Variants in NUAK1 observed in about 807,000 individuals in gnomAD.
The protein encoded by NUAK1 is NUAK family SNF1-like kinase 1.
In NUAK1, 26 loss-of-function variants were observed where a neutral mutation model predicts 56.9. The observed-to-expected ratio is 0.46, with a 90% confidence interval of 0.33 to 0.63. NUAK1 has a LOEUF of 0.63. Ranked by LOEUF, NUAK1 falls within the 30% of genes least tolerant of loss-of-function variation. The probability of loss-of-function intolerance (pLI) is 0.02; values close to 1 mark genes in which losing one functional copy is unlikely to be tolerated. For missense variants in NUAK1, 727 were observed against 876.1 expected (o/e 0.83, Z 2.15); for synonymous variants, 337 against 336.0 (o/e 1.00, Z -0.03).
rs557614461 is a variant in NUAK1 at position 106,063,576 on chromosome 12, C to A, written c.*3226G>T. 6.6e-6 allele frequency: 1 copy of A among 152,288 alleles called. No individual in the cohort carries two copies. Among genetic ancestry groups the A allele is most frequent in the African/African-American group, 2.4e-5 (1 of 41,330 alleles). The allele number at this position is 152,288 out of a possible 1,614,324, so 9.4% of individuals were successfully genotyped here. On this transcript the variant is annotated 3_prime_UTR_variant, in exon 7 of 7. Transcript: ENST00000261402. ...TTACACCAATATATTATTATAATACCTTTGAAATGCCTTTCAGACCAATAA... is the reference window on the plus strand; with the variant it reads ...TTACACCAATATATTATTATAATACATTTGAAATGCCTTTCAGACCAATAA...
In NUAK1 at chr12:106,138,398, G is replaced by C. The variant is rs748424204; in HGVS notation, c.240+16C>G. On this transcript the variant is annotated intron_variant, in intron 1 of 6. Coordinates refer to ENST00000261402, the MANE Select transcript of NUAK1 (RefSeq NM_014840.3). The surrounding 1 kb of genome is among the most constrained non-coding windows in gnomAD (Gnocchi z 5.0). ...CACCCAGCGCCCCCCGCACCCTCCA[G>C]GATTGCCCCACTCACCACTCGGCCA... 1.3e-6 allele frequency: 2 copies of C among 1,598,566 alleles called. No homozygotes were observed. Among genetic ancestry groups the C allele is most frequent in the Non-Finnish European group, 1.7e-6 (2 of 1,174,302 alleles).
At chr12:106,129,899 C>A (rs2033059280) in intron 1 of NUAK1, among the ~76,000 whole-genome samples, 1 of 152,296 alleles carries the variant, frequency 6.6e-6, no homozygotes, top group Non-Finnish European at 1.5e-5. Context: ...GACCATCTAG[C>A]TCCTGGGTAG....
intron 1 of NUAK1, among the ~76,000 whole-genome samples, chr12:106,137,029 G>A (rs1183451889): frequency 6.6e-6 from 1 of 151,686 alleles, no homozygotes; most frequent in Non-Finnish European, 1.5e-5. Context: ...AGAAATGTAC[G>A]CCATCTCAAA....
intron 1 of NUAK1, among the ~76,000 whole-genome samples, chr12:106,122,269 C>T (rs999072879): frequency 6.6e-6 from 1 of 152,142 alleles, no homozygotes; most frequent in African/African-American, 2.4e-5. Context: ...TAAAAAGGCA[C>T]ACTGGGCATT....
intron 2 of NUAK1, among the ~76,000 whole-genome samples, chr12:106,100,958 G>A (rs945411182): frequency 6.6e-6 from 1 of 152,336 alleles, no homozygotes; most frequent in East Asian, 1.9e-4. Context: ...CCACTTTGGT[G>A]CCTTAGCATC....
At chr12:106,111,001 T>G (rs573614911) in intron 1 of NUAK1, among the ~76,000 whole-genome samples, 30 of 152,218 alleles carry the variant, frequency 2.0e-4, no homozygotes, top group African/African-American at 7.2e-4. Flanking sequence ...CTGTGGGTGT[T>G]CAGAGCTTGG....
In NUAK1 at chr12:106,125,798, A is replaced by G. The variant is rs373699704; in HGVS notation, c.240+12616T>C. On this transcript the variant is annotated intron_variant, in intron 1 of 6. Transcript: ENST00000261402. The stretch of plus-strand genomic sequence containing the variant: ...AAACAGATACCCACTAACCATGAGG[A>G]TGATGAAAAATGAGGTTCTTCCCAG... 4.6e-5 allele frequency among the ~76,000 whole-genome samples: 7 copies of G among 152,240 alleles called. No homozygotes were observed. The East Asian group carries it at 7.7e-4, about 17-fold the overall frequency.
At chr12:106,068,917 C>G (rs1421559639) in intron 6 of NUAK1, among the ~76,000 whole-genome samples, 1 of 152,232 alleles carries the variant, frequency 6.6e-6, no homozygotes, top group Non-Finnish European at 1.5e-5. Context: ...CCAAGATGAT[C>G]ATCCTCAGTC....
chr12:106,073,678 C>A (rs2032430549), intron 4 of NUAK1, among the ~76,000 whole-genome samples: 1 of 152,006 alleles, frequency 6.6e-6, no homozygotes, highest in African/African-American at 2.4e-5. Flanking sequence ...ATTAGCCGGG[C>A]GTGGTGGTGC....
At chr12:106,135,306 C>A (rs1027850117) in intron 1 of NUAK1, among the ~76,000 whole-genome samples, 3 of 152,226 alleles carry the variant, frequency 2.0e-5, no homozygotes, top group East Asian at 1.9e-4. Context: ...CCTGGTCTCA[C>A]GGACATGCTT....
At chr12:106,089,968 T>C in intron 2 of NUAK1, among the ~76,000 whole-genome samples, 1 of 152,074 alleles carries the variant, frequency 6.6e-6, no homozygotes, top group Non-Finnish European at 1.5e-5. Context: ...CAAGCTATCT[T>C]GAAGAAGAAA....
chr12:106,089,042 C>T (rs1230330717), intron 2 of NUAK1, among the ~76,000 whole-genome samples: 4 of 152,226 alleles, frequency 2.6e-5, no homozygotes, highest in Non-Finnish European at 4.4e-5. Context: ...TTGGCTCCTG[C>T]CAGGGATTTC....
intron 3 of NUAK1, among the ~76,000 whole-genome samples, chr12:106,085,773 C>A (rs1340032690): frequency 6.6e-6 from 1 of 152,174 alleles, no homozygotes; most frequent in Non-Finnish European, 1.5e-5. Context: ...GTGGCACCAT[C>A]ATAGCTCACT....
chr12:106,082,204 A>G, intron 4 of NUAK1, among the ~76,000 whole-genome samples: 1 of 152,248 alleles, frequency 6.6e-6, no homozygotes, highest in East Asian at 1.9e-4. Context: ...AAAAATGAAC[A>G]AATAAACAAT....
chr12:106,128,943 T>A (rs1376202937), intron 1 of NUAK1, among the ~76,000 whole-genome samples: 1 of 152,258 alleles, frequency 6.6e-6, no homozygotes, highest in Admixed American at 6.5e-5. Context: ...CTTAAAGTAC[T>A]TGATTTACAA....
chr12:106,084,624 G>C (rs1167870091), intron 3 of NUAK1, among the ~76,000 whole-genome samples: 3 of 152,224 alleles, frequency 2.0e-5, no homozygotes, highest in Non-Finnish European at 4.4e-5. Context: ...CTCTGGCAAG[G>C]CTGGAGGCTG....
chr12:106,083,142 C>T (rs1384457660), intron 4 of NUAK1, among the ~76,000 whole-genome samples: 1 of 152,196 alleles, frequency 6.6e-6, no homozygotes, highest in Non-Finnish European at 1.5e-5. Flanking sequence ...TAAACTCCAG[C>T]ACTTGCTATT....
rs55900706 is a variant in NUAK1, at chr12:106,124,996, CAATA to C, written c.240+13414_240+13417del. Among the ~76,000 whole-genome samples the C allele has an allele frequency of 5.6e-3, 824 of 147,072 alleles. 2 individuals carry two copies. The highest frequency in any genetic ancestry group is 0.014 in the African/African-American group (541 of 39,080). ...TGGGCGACAGAGCCAGACTCCATCT[CAATA>C]AATAAATAAATAAATAAATAAATAA... On this transcript the variant is annotated intron_variant, in intron 1 of 6. Transcript: ENST00000261402.
At chr12:106,135,733 TTAAGA>T (rs1395903054) in intron 1 of NUAK1, among the ~76,000 whole-genome samples, 2 of 152,196 alleles carry the variant, frequency 1.3e-5, no homozygotes, top group African/African-American at 4.8e-5. Flanking sequence ...AAAGGCTAAA[TTAAGA>T]TAGTGCCCTT....
Sources: allele counts gnomAD v4.1 joint callset (sites outside exome capture counted in the v4.1 genomes callset), GRCh38; gene constraint gnomAD v4.1.1; non-coding constraint Gnocchi (gnomAD v3.1); transcripts MANE v1.5; gene names NCBI Gene and HGNC (gene_info 2026-07-23, HGNC 2026-07-21).